Variants in ROCK1 observed in about 807,000 individuals in gnomAD.
ROCK1 encodes the protein Rho associated coiled-coil containing protein kinase 1.
In ROCK1, 36 loss-of-function variants were observed where a neutral mutation model predicts 196.8. The observed-to-expected ratio is 0.18, with a 90% CI of 0.14 to 0.24. The LOEUF (loss-of-function observed/expected upper bound fraction) is 0.24, where lower values mean the gene tolerates loss of function less well. Among genes scored for constraint, ROCK1 ranks in the 10% least tolerant of loss-of-function variants. ROCK1 has a pLI of 1.00. For synonymous variants in ROCK1, 443 were observed against 515.9 expected (o/e 0.86, Z 1.91); for missense variants, 920 against 1,562.0 (o/e 0.59, Z 6.93).
chr18:21,087,508 A>C (rs1304805021), intron 1 of ROCK1, among the ~76,000 whole-genome samples: 6 of 152,192 alleles, frequency 3.9e-5, no homozygotes, highest in Admixed American at 3.9e-4. Context: ...TATTAATCAA[A>C]AGAAAGTGGG....
At chr18:20,997,798 A>G (rs2035685136) in intron 16 of ROCK1, among the ~76,000 whole-genome samples, 1 of 152,038 alleles carries the variant, frequency 6.6e-6, no homozygotes. Flanking sequence ...ATCTTCTCTG[A>G]CCACAATGAA....
At chr18:21,081,600 A>G (rs1451595955) in intron 1 of ROCK1, among the ~76,000 whole-genome samples, 1 of 152,192 alleles carries the variant, frequency 6.6e-6, no homozygotes, top group East Asian at 1.9e-4. Context: ...GAAAAGATAA[A>G]ATTGGCACAT....
At position 20,948,181 on chromosome 18, in the gene ROCK1, A is replaced by G. The variant is rs906288026; in HGVS notation, c.*3203T>C. The G allele has an allele frequency of 6.6e-6, 1 of 152,236 alleles. No individual in the cohort carries two copies. The highest frequency in any genetic ancestry group is 2.4e-5 in the African/African-American group (1 of 41,454). The allele number at this position is 152,236 out of a possible 1,614,324, so 9.4% of individuals were successfully genotyped here. A position where few individuals can be genotyped will look rare whatever the true frequency, so the allele number is the denominator to read the frequency against. ...AGCCAAGCCAATTGGGAGGGATTAC[A>G]AAGTTGGACTTCTACTACAGATATA... On this transcript the variant is annotated 3_prime_UTR_variant, in exon 33 of 33. Coordinates refer to ENST00000399799, the MANE Select transcript of ROCK1 (RefSeq NM_005406.3).
At position 21,006,751 on chromosome 18, in the gene ROCK1, ACTTT is replaced by A; in HGVS notation, c.1582_1585del (p.Lys528SerfsTer19). The A allele has an allele frequency of 6.2e-7, 1 of 1,606,360 alleles. No homozygotes were observed. The highest frequency in any genetic ancestry group is 8.5e-7 in the Non-Finnish European group (1 of 1,177,672). On this transcript the variant is annotated frameshift_variant, in exon 15 of 33. Coordinates refer to ENST00000399799, the MANE Select transcript of ROCK1 (RefSeq NM_005406.3). LOFTEE classifies it high-confidence loss of function. ...ATTAGCAAGCTGTGAATTCTGACTGACTTTCTTTAAGTCTTCCAACTGATCCTTT... is the reference window on the plus strand; with the variant it reads ...ATTAGCAAGCTGTGAATTCTGACTGACTTTAAGTCTTCCAACTGATCCTTT...
chr18:20,965,390 T>C (rs1384082332), intron 27 of ROCK1, among the ~76,000 whole-genome samples: 2 of 138,218 alleles, frequency 1.4e-5, no homozygotes, highest in East Asian at 2.1e-4. Context: ...GTTTCATACA[T>C]ACATACATAC....
At chr18:20,951,443 AAGAAACAAACATTAGGAGGAAAGGTAAAT>A (rs2035186934) in intron 32 of ROCK1, 56 bp from the exon 33 acceptor site, 2 of 1,449,476 alleles carry the variant, frequency 1.4e-6, no homozygotes, top group South Asian at 2.5e-5. Context: ...TTAAAAATAC[AAGAAACAAACATTAGGAGGAAAGGTAAAT>A]ATACATTATC....
chr18:21,060,517 G>A (rs764740628), intron 2 of ROCK1, among the ~76,000 whole-genome samples: 1 of 152,106 alleles, frequency 6.6e-6, no homozygotes, highest in Non-Finnish European at 1.5e-5. Context: ...CTACATCTGT[G>A]TATTTACATA....
intron 2 of ROCK1, among the ~76,000 whole-genome samples, chr18:21,068,434 G>A (rs1168742219): frequency 6.6e-6 from 1 of 152,042 alleles, no homozygotes; most frequent in Non-Finnish European, 1.5e-5. Context: ...CTTACTTTTC[G>A]AAACTGTTTT....
chr18:21,086,270 C>T (rs2036526478), intron 1 of ROCK1, among the ~76,000 whole-genome samples: 1 of 151,942 alleles, frequency 6.6e-6, no homozygotes. Flanking sequence ...CACCACCACA[C>T]CTGGCTAATT....
Position 21,015,486 on chromosome 18 carries a change from A to T in ROCK1, c.1362-7T>A. The T allele has an allele frequency of 1.3e-6, 2 of 1,511,444 alleles. No individual in the cohort carries two copies. Among genetic ancestry groups the T allele is most frequent in the Non-Finnish European group, 1.8e-6 (2 of 1,092,278 alleles). 93.6% of individuals were successfully genotyped at this position (1,511,444 alleles called of 1,614,324 possible). A position where few individuals can be genotyped will look rare whatever the true frequency, so the allele number is the denominator to read the frequency against. ...TAGTTTTATGTTTGAGGTTCTGTAA[A>T]AACAAAAGCAATACAGATTAGAAAT... On this transcript the variant is annotated splice_polypyrimidine_tract_variant and splice_region_variant and intron_variant, in intron 12 of 32. Coordinates refer to ENST00000399799, the MANE Select transcript of ROCK1 (RefSeq NM_005406.3).
intron 22 of ROCK1, among the ~76,000 whole-genome samples, chr18:20,978,887 G>T (rs1005418106): frequency 1.3e-5 from 2 of 152,212 alleles, no homozygotes; most frequent in Non-Finnish European, 2.9e-5. Context: ...CATAAGAACT[G>T]TATTAGTTTT....
intron 13 of ROCK1, among the ~76,000 whole-genome samples, chr18:21,012,892 C>A (rs574021621): frequency 6.6e-6 from 1 of 152,242 alleles, no homozygotes; most frequent in East Asian, 1.9e-4. Flanking sequence ...CTGATTCGCT[C>A]CTCTGCATTG....
chr18:20,991,082 A>T, intron 18 of ROCK1, 94 bp downstream of exon 18: 2 of 934,144 alleles, frequency 2.1e-6, no homozygotes, highest in Non-Finnish European at 3.3e-6. Flanking sequence ...TATACTTTCT[A>T]CGAGTTAAAG....
At chr18:21,010,649 T>G (rs918320073) in intron 13 of ROCK1, among the ~76,000 whole-genome samples, 1 of 152,216 alleles carries the variant, frequency 6.6e-6, no homozygotes, top group Non-Finnish European at 1.5e-5. Context: ...TACCTTGGTG[T>G]GTGTTCCTTA....
chr18:21,068,225 TTTGAG>T lies in ROCK1; in HGVS notation c.175+2302_175+2306del, dbSNP rs367572831. On this transcript the variant is annotated intron_variant, in intron 2 of 32. Transcript: ENST00000399799. ...TCTTACATTTACGTTGATGATCTAT[TTTGAG>T]TTAATTTTTGTATACAGTGGAAACT... is the stretch of plus-strand genomic sequence containing the variant. Among the ~76,000 whole-genome samples, 1,007 of 152,322 alleles carry T rather than the reference TTTGAG, an allele frequency of 6.6e-3. 11 individuals are homozygous for T. The highest frequency in any genetic ancestry group is 0.023 in the African/African-American group (950 of 41,566).
At chr18:21,100,229 C>T (rs1351485024) in intron 1 of ROCK1, among the ~76,000 whole-genome samples, 2 of 150,826 alleles carry the variant, frequency 1.3e-5, no homozygotes, top group Admixed American at 1.3e-4. Flanking sequence ...TTCTTCTTCT[C>T]AAAAATAAAA....
rs2036183306 is a variant in ROCK1 at position 21,049,024 on chromosome 18, A to C, written c.414+68T>G. On this transcript the variant is annotated intron_variant, in intron 4 of 32. Coordinates refer to ENST00000399799, the MANE Select transcript of ROCK1 (RefSeq NM_005406.3). ...TCTCTACTACTATTCTAAAACACAA[A>C]CTAAGCTTCTCAGACATGTTTAGTT... 2.9e-6 allele frequency: 4 copies of C among 1,363,180 alleles called. No homozygotes were observed. The Admixed American group carries it at 1.0e-4, about 36-fold the overall frequency. 84.4% of individuals were successfully genotyped at this position (1,363,180 alleles called of 1,614,324 possible).
chr18:21,068,990 G>A (rs1195545543), intron 2 of ROCK1, among the ~76,000 whole-genome samples: 2 of 151,988 alleles, frequency 1.3e-5, no homozygotes, highest in Non-Finnish European at 2.9e-5. Context: ...GAACTTCTAA[G>A]ACAATGTTAA....
intron 14 of ROCK1, among the ~76,000 whole-genome samples, chr18:21,007,584 G>C (rs780399846): frequency 5.3e-5 from 8 of 152,142 alleles, no homozygotes; most frequent in African/African-American, 9.7e-5. Context: ...TTATGGAAGT[G>C]AAATTACTGC....
Sources: allele counts gnomAD v4.1 joint callset (sites outside exome capture counted in the v4.1 genomes callset), GRCh38; gene constraint gnomAD v4.1.1; transcripts MANE v1.5; gene names NCBI Gene and HGNC (gene_info 2026-07-23, HGNC 2026-07-21).